Variants in ZSWIM5 observed in about 807,000 individuals in gnomAD.
ZSWIM5 encodes the protein zinc finger SWIM domain-containing protein 5.
Under a neutral mutation model 119.6 loss-of-function variants are expected in ZSWIM5, and 55 were observed. The observed-to-expected ratio is 0.46, with a 90% CI of 0.37 to 0.58. ZSWIM5 has a LOEUF of 0.58. Among genes scored for constraint, ZSWIM5 ranks in the 20% least tolerant of loss-of-function variants. The pLI is 0.00. For synonymous variants in ZSWIM5, 537 were observed against 606.9 expected, an observed-to-expected ratio of 0.88 and a Z score of 1.69; for missense variants, 1,193 against 1,512.8, an observed-to-expected ratio of 0.79 and a Z score of 3.51.
At chr1:45,133,183 C>T (rs943787365) in intron 1 of ZSWIM5, among the ~76,000 whole-genome samples, 34 of 152,292 alleles carry the variant, frequency 2.2e-4, no homozygotes, top group African/African-American at 7.0e-4. Context: ...CTTGAGGAAT[C>T]GCCACACTGT....
chr1:45,100,205 G>T (rs1557765655), intron 1 of ZSWIM5, among the ~76,000 whole-genome samples: 1 of 152,114 alleles, frequency 6.6e-6, no homozygotes, highest in Non-Finnish European at 1.5e-5. Context: ...CAAAGTCTCA[G>T]GATACAAAAT....
chr1:45,182,377 C>G (rs1442641011), intron 1 of ZSWIM5, among the ~76,000 whole-genome samples: 1 of 149,842 alleles, frequency 6.7e-6, no homozygotes, highest in Non-Finnish European at 1.5e-5. Flanking sequence ...GCACTCCCGC[C>G]TGGGCGACAG....
intron 1 of ZSWIM5, among the ~76,000 whole-genome samples, chr1:45,099,747 C>T (rs751002458): frequency 8.5e-5 from 13 of 152,116 alleles, no homozygotes; most frequent in African/African-American, 2.4e-4. Flanking sequence ...GTTCAACACA[C>T]GCAAATCAAT....
At chr1:45,198,667 G>C (rs1646140349) in intron 1 of ZSWIM5, among the ~76,000 whole-genome samples, 4 of 152,112 alleles carry the variant, frequency 2.6e-5, no homozygotes, top group Non-Finnish European at 4.4e-5. Context: ...TAACAGTCCT[G>C]ATTTGGCTCC....
intron 1 of ZSWIM5, among the ~76,000 whole-genome samples, chr1:45,150,793 C>T (rs61788439): frequency 0.072 from 11,017 of 152,180 alleles, 493 homozygotes; most frequent in Non-Finnish European, 0.1. Context: ...TTTCATTTAT[C>T]CCACAAGATC....
intron 5 of ZSWIM5, among the ~76,000 whole-genome samples, chr1:45,050,314 G>A (rs770651564): frequency 6.6e-6 from 1 of 151,660 alleles, no homozygotes; most frequent in African/African-American, 2.4e-5. Flanking sequence ...CCAAGATCGC[G>A]CCACTGCACT....
At chr1:45,170,260 T>C (rs745825200) in intron 1 of ZSWIM5, among the ~76,000 whole-genome samples, 7 of 152,112 alleles carry the variant, frequency 4.6e-5, no homozygotes, top group Non-Finnish European at 7.4e-5. Flanking sequence ...AACAATTATT[T>C]TGAATCCTCA....
At position 45,018,465 on chromosome 1, in the gene ZSWIM5, G is replaced by A. The variant is rs560650594; in HGVS notation, c.3547C>T (p.Arg1183Cys). ...AGCTATCTGCTCTCTCAGCCAAAGCGCTCTCGCACCAGCAGCATCAACTTT... is the reference window on the plus strand; with the variant it reads ...AGCTATCTGCTCTCTCAGCCAAAGCACTCTCGCACCAGCAGCATCAACTTT... ...KKKLMLLVRE[R>C]FG is the part of the protein sequence containing the mutation. Residue 1183 changes from arginine to cysteine, a missense_variant, in exon 14 of 14, where the codon CGC becomes TGC. Arg to Cys is a radical substitution (Grantham distance 180). Transcript: ENST00000359600. The surrounding 1 kb of genome is among the most constrained non-coding windows in gnomAD (Gnocchi z 6.7). 8.7e-6 allele frequency: 14 copies of A among 1,613,656 alleles called. No homozygotes were observed. Among genetic ancestry groups the A allele is most frequent in the African/African-American group, 2.7e-5 (2 of 75,052 alleles).
intron 5 of ZSWIM5, among the ~76,000 whole-genome samples, chr1:45,045,046 G>A (rs376093243): frequency 3.9e-4 from 12 of 31,114 alleles, no homozygotes; most frequent in African/African-American, 1.5e-3. Flanking sequence ...AGACAAACTT[G>A]TTTTCTCACT....
At chr1:45,107,216 A>T (rs1645486406) in intron 1 of ZSWIM5, among the ~76,000 whole-genome samples, 1 of 148,928 alleles carries the variant, frequency 6.7e-6, no homozygotes, top group Non-Finnish European at 1.5e-5. Context: ...AATAAATACT[A>T]AAAAAAAAAG....
At chr1:45,164,232 T>C (rs915554386) in intron 1 of ZSWIM5, among the ~76,000 whole-genome samples, 10 of 152,078 alleles carry the variant, frequency 6.6e-5, no homozygotes, top group Non-Finnish European at 1.5e-4. Flanking sequence ...GCTTCACAGG[T>C]GAAGGAGAAA....
intron 1 of ZSWIM5, among the ~76,000 whole-genome samples, chr1:45,141,313 G>A (rs932088197): frequency 6.6e-6 from 1 of 152,222 alleles, no homozygotes. Flanking sequence ...ATCAGAAAGG[G>A]GTAACTGTTC....
intron 6 of ZSWIM5, among the ~76,000 whole-genome samples, chr1:45,041,623 G>C (rs919125462): frequency 6.7e-6 from 1 of 148,338 alleles, no homozygotes; most frequent in African/African-American, 2.5e-5. Flanking sequence ...TGCAACCTCC[G>C]CCTCCCAGGT....
intron 1 of ZSWIM5, among the ~76,000 whole-genome samples, chr1:45,198,013 G>A (rs893427307): frequency 2.7e-4 from 41 of 152,232 alleles, no homozygotes; most frequent in African/African-American, 9.6e-4. Context: ...GAAGCCTGCA[G>A]CAGCAGACCA....
chr1:45,120,714 G>A (rs983202358), intron 1 of ZSWIM5, among the ~76,000 whole-genome samples: 2 of 151,530 alleles, frequency 1.3e-5, no homozygotes, highest in Non-Finnish European at 2.9e-5. Context: ...GGGCTCAAGT[G>A]ATCCTCCTGC....
chr1:45,106,039 C>T (rs938914788), intron 1 of ZSWIM5, among the ~76,000 whole-genome samples: 7 of 145,574 alleles, frequency 4.8e-5, no homozygotes, highest in South Asian at 2.2e-4. Context: ...GTGAGGAGCG[C>T]CTCTGCCCGG....
chr1:45,104,593 C>A (rs147530027), intron 1 of ZSWIM5, among the ~76,000 whole-genome samples: 13 of 152,120 alleles, frequency 8.5e-5, no homozygotes, highest in Non-Finnish European at 1.6e-4. Flanking sequence ...GGTGAGGGTG[C>A]GAGAGATTGC....
At chr1:45,081,256 TCTCCC>T (rs1645288105) in intron 2 of ZSWIM5, among the ~76,000 whole-genome samples, 3 of 150,862 alleles carry the variant, frequency 2.0e-5, no homozygotes, top group African/African-American at 7.3e-5. Flanking sequence ...TCCCTCTCCC[TCTCCC>T]TCTCCCTCTC....
In ZSWIM5 at chr1:45,035,741, A is replaced by C; in HGVS notation, c.2238T>G (p.Ala746=). 6.2e-7 allele frequency: 1 copy of C among 1,613,900 alleles called. No individual in the cohort carries two copies. Among genetic ancestry groups the C allele is most frequent in the Non-Finnish European group, 8.5e-7 (1 of 1,179,990 alleles). Residue 746 remains alanine, a synonymous_variant, in exon 10 of 14, where the codon GCT becomes GCG. Transcript: ENST00000359600. ...MHTFAKYLFS[A]LLPHDPDLSY... ...ACAGGTCTGGATCATGAGGCAGCAG[A>C]GCTGAGAACAAATACTTGGCAAAGG...
Sources: gnomAD v4.1 joint callset for allele counts (sites outside exome capture counted in the v4.1 genomes callset) on GRCh38, gnomAD v4.1.1 for gene constraint, Gnocchi (gnomAD v3.1) non-coding constraint, MANE v1.5 for transcripts, NCBI Gene and HGNC (gene_info 2026-07-23, HGNC 2026-07-21) for gene names.